Variants in CCDC148 observed in about 807,000 individuals in gnomAD.
The protein encoded by CCDC148 is coiled-coil domain containing 148.
In CCDC148, 89 loss-of-function variants were observed where a neutral mutation model predicts 85.7. The observed-to-expected ratio is 1.04, with a 90% CI of 0.87 to 1.24. The LOEUF is 1.24. Ranked by LOEUF, CCDC148 falls within the 50% of genes most tolerant of loss-of-function variation. The pLI, the probability that CCDC148 is intolerant of heterozygous loss-of-function variation, is 0.00. For missense variants in CCDC148, 692 were observed against 671.7 expected (o/e 1.03, Z -0.33); for synonymous variants, 230 against 213.9 (o/e 1.08, Z -0.66).
At chr2:158,337,441 T>C (rs1448033247) in intron 7 of CCDC148, among the ~76,000 whole-genome samples, 2 of 152,034 alleles carry the variant, frequency 1.3e-5, no homozygotes, top group African/African-American at 4.8e-5. Flanking sequence ...GGATGGGGAG[T>C]GGGAAGACAA....
intron 9 of CCDC148, among the ~76,000 whole-genome samples, chr2:158,256,323 G>C (rs1308500778): frequency 6.6e-6 from 1 of 151,568 alleles, no homozygotes; most frequent in Non-Finnish European, 1.5e-5. Context: ...TAAAGGGAGG[G>C]ACTGGATCAG....
At chr2:158,184,564 A>G (rs1685067020) in intron 11 of CCDC148, among the ~76,000 whole-genome samples, 2 of 152,180 alleles carry the variant, frequency 1.3e-5, no homozygotes, top group African/African-American at 2.4e-5. Context: ...ATTTATTCAT[A>G]AACTTCCAAA....
At chr2:158,238,218 A>T (rs1688197183) in intron 10 of CCDC148, among the ~76,000 whole-genome samples, 1 of 152,032 alleles carries the variant, frequency 6.6e-6, no homozygotes, top group African/African-American at 2.4e-5. Context: ...GAGCTAGAAA[A>T]AGGGGGATGG....
chr2:158,426,396 T>C (rs1687079613), intron 1 of CCDC148, among the ~76,000 whole-genome samples: 1 of 152,168 alleles, frequency 6.6e-6, no homozygotes, highest in South Asian at 2.1e-4. Context: ...ATCATTTTAA[T>C]GTAGTTAGTG....
intron 1 of CCDC148, among the ~76,000 whole-genome samples, chr2:158,431,371 A>G (rs1167633353): frequency 6.6e-6 from 1 of 152,028 alleles, no homozygotes; most frequent in Non-Finnish European, 1.5e-5. Context: ...TTCTATATAG[A>G]AAAACACAGA....
chr2:158,371,192 T>A lies in CCDC148; in HGVS notation c.26-12622A>T, dbSNP rs1208061881. ...AAGAATCCTTCAAGATATAAACATA[T>A]GTAAGTGTAATTCATGATATTGATA... On this transcript the variant is annotated intron_variant, in intron 1 of 13. Transcript: ENST00000283233. Among the ~76,000 whole-genome samples the A allele has an allele frequency of 2.6e-5, 4 of 151,968 alleles. No individual in the cohort carries two copies. In the East Asian group the frequency reaches 7.7e-4, roughly 29 times the overall value.
chr2:158,384,260 T>G (rs1445147692), intron 1 of CCDC148, among the ~76,000 whole-genome samples: 1 of 152,202 alleles, frequency 6.6e-6, no homozygotes, highest in East Asian at 1.9e-4. Flanking sequence ...GTGATAAAGT[T>G]TAATTTCTCG....
chr2:158,179,072 G>T, intron 11 of CCDC148, 76 bp from the exon 12 acceptor site: 1 of 1,054,076 alleles, frequency 9.5e-7, no homozygotes, highest in Non-Finnish European at 1.4e-6. Flanking sequence ...CAGCATAGGG[G>T]CAGAACACAT....
rs757172163 is a variant in CCDC148, at chr2:158,250,884, T to C, written c.1139A>G (p.Glu380Gly). The C allele has an allele frequency of 3.3e-5, 53 of 1,606,556 alleles. No individual in the cohort carries two copies. Among genetic ancestry groups the C allele is most frequent in the Non-Finnish European group, 4.2e-5 (50 of 1,178,228 alleles). The change falls in exon 10 of 14, where the codon GAG (glutamate) becomes GGG (glycine). Residue 380 changes from glutamate (E) to glycine (G), a missense_variant. By Grantham distance (98) the Glu-to-Gly change is moderately conservative (BLOSUM62 -2). Coordinates refer to ENST00000283233, the MANE Select transcript of CCDC148 (RefSeq NM_138803.4). ...KVRQWRAHQE[E>G]VARLEMEISA... ...AATTTCCATTTCCAGTCTTGCTACC[T>C]CTTCTTGGTGGGCTCGCCATTGACG...
Position 158,314,075 on chromosome 2 carries a change from G to A in CCDC148, c.765-181C>T, listed in dbSNP as rs533170543. On this transcript the variant is annotated intron_variant, in intron 7 of 13. Coordinates refer to ENST00000283233, the MANE Select transcript of CCDC148 (RefSeq NM_138803.4). ...AAGCTTCTAAATTCTAATGCAATGG[G>A]TTCCTTCAGTTCTTTATTTGGTCTT... 6.8e-4 allele frequency among the ~76,000 whole-genome samples: 103 copies of A among 152,282 alleles called. 1 individual carries two copies. Among genetic ancestry groups the A allele is most frequent in the African/African-American group, 2.4e-3 (98 of 41,544 alleles).
At chr2:158,420,553 C>T (rs1212266660) in intron 1 of CCDC148, among the ~76,000 whole-genome samples, 2 of 152,030 alleles carry the variant, frequency 1.3e-5, no homozygotes, top group Non-Finnish European at 2.9e-5. Flanking sequence ...ATTTTGTCAC[C>T]ACCAGGCCTG....
At chr2:158,285,864 T>C (rs539878043) in intron 9 of CCDC148, among the ~76,000 whole-genome samples, 9 of 152,182 alleles carry the variant, frequency 5.9e-5, no homozygotes, top group Non-Finnish European at 1.3e-4. Flanking sequence ...TCTGAGAATG[T>C]TCTCTTTCAG....
At chr2:158,276,883 C>A (rs921175628) in intron 9 of CCDC148, among the ~76,000 whole-genome samples, 1 of 152,092 alleles carries the variant, frequency 6.6e-6, no homozygotes, top group Non-Finnish European at 1.5e-5. Flanking sequence ...GTTAATATGA[C>A]AAATAGAAAA....
At chr2:158,318,662 T>G (rs1187059169) in intron 7 of CCDC148, among the ~76,000 whole-genome samples, 2 of 152,084 alleles carry the variant, frequency 1.3e-5, no homozygotes, top group Non-Finnish European at 2.9e-5. Flanking sequence ...AGTAGAATAG[T>G]AGGGATGATG....
intron 1 of CCDC148, among the ~76,000 whole-genome samples, chr2:158,402,041 T>C (rs1327737363): frequency 6.6e-6 from 1 of 152,024 alleles, no homozygotes; most frequent in African/African-American, 2.4e-5. Flanking sequence ...GAGTTGTGTA[T>C]TTAATGTACC....
chr2:158,427,436 G>GA (rs1401334866), intron 1 of CCDC148, among the ~76,000 whole-genome samples: 1 of 151,998 alleles, frequency 6.6e-6, no homozygotes, highest in Non-Finnish European at 1.5e-5. Flanking sequence ...TATTTAAAGG[G>GA]AAAAAAGGGC....
At chr2:158,173,818 A>G (rs182650591) in intron 13 of CCDC148, among the ~76,000 whole-genome samples, 1 of 152,114 alleles carries the variant, frequency 6.6e-6, no homozygotes, top group African/African-American at 2.4e-5. Context: ...CCTGTATGCC[A>G]TTGACTCCCA....
At chr2:158,176,082 C>T (rs62175376) in intron 13 of CCDC148, among the ~76,000 whole-genome samples, 149 of 152,112 alleles carry the variant, frequency 9.8e-4, no homozygotes, top group Middle Eastern at 6.8e-3. Context: ...GATGTATTAT[C>T]TTCTGTTCAT....
chr2:158,205,522 A>AT (rs70990695), intron 11 of CCDC148, among the ~76,000 whole-genome samples: 42,440 of 151,844 alleles, frequency 0.28, 6,042 homozygotes, highest in Middle Eastern at 0.34. Context: ...TATATACATC[A>AT]TTTCCTTTAA....
Sources: gnomAD v4.1 joint callset for allele counts (sites outside exome capture counted in the v4.1 genomes callset) on GRCh38, gnomAD v4.1.1 for gene constraint, MANE v1.5 for transcripts, NCBI Gene and HGNC (gene_info 2026-07-23, HGNC 2026-07-21) for gene names.